Variants in FNDC3B observed in about 807,000 individuals in gnomAD.
FNDC3B encodes the protein fibronectin type III domain-containing protein 3B.
In FNDC3B, 12 loss-of-function variants were observed where a neutral mutation model predicts 151.5. That is an observed-to-expected ratio of 0.08 (90% CI 0.05 to 0.13). FNDC3B has a LOEUF of 0.13. FNDC3B is among the 10% of genes least tolerant of loss of function. FNDC3B has a pLI of 1.00. For synonymous variants in FNDC3B, 528 were observed against 549.0 expected (o/e 0.96, Z 0.54); for missense variants, 1,214 against 1,505.3 (o/e 0.81, Z 3.20).
chr3:172,337,700 G>GT (rs1733056787), intron 16 of FNDC3B: 1 of 349,354 alleles, frequency 2.9e-6, no homozygotes, highest in Non-Finnish European at 5.3e-6. Context: ...TTTTTGTTTT[G>GT]TTTTTTGAGA....
At chr3:172,387,218 A>G (rs1735763213) in intron 25 of FNDC3B, among the ~76,000 whole-genome samples, 1 of 152,240 alleles carries the variant, frequency 6.6e-6, no homozygotes, top group South Asian at 2.1e-4. Flanking sequence ...CGGCCTCCCA[A>G]AATGCTGGAT....
chr3:172,368,133 A>G (rs769379574), intron 23 of FNDC3B, among the ~76,000 whole-genome samples: 1 of 152,132 alleles, frequency 6.6e-6, no homozygotes, highest in Non-Finnish European at 1.5e-5. Context: ...TTAGCCAGGC[A>G]TGGAGGCACA....
At position 172,333,132 on chromosome 3, in the gene FNDC3B, G is replaced by A. The variant is rs1329405011; in HGVS notation, c.1598G>A (p.Cys533Tyr). The A allele has an allele frequency of 1.9e-6, 3 of 1,613,424 alleles. No individual in the cohort carries two copies. In the East Asian group the frequency reaches 6.7e-5, roughly 36 times the overall value. ...AAATACACTGGAGAGGATTTAACCT[G>A]TACTGTGAAAAATCTCAAAAGAAGC... The part of the protein sequence containing the change: ...HPKYTGEDLT[C>Y]TVKNLKRSTQ... Residue 533 changes from cysteine to tyrosine, a missense_variant, in exon 14 of 26, where the codon TGT becomes TAT. Transcript: ENST00000415807.
At chr3:172,049,458 G>A (rs1281111438) in intron 1 of FNDC3B, among the ~76,000 whole-genome samples, 2 of 152,194 alleles carry the variant, frequency 1.3e-5, no homozygotes, top group African/African-American at 2.4e-5. Context: ...ATAGCACAGC[G>A]AGTCATTTAG....
At chr3:172,205,745 G>GCTAA (rs1350278868) in intron 3 of FNDC3B, among the ~76,000 whole-genome samples, 1 of 152,214 alleles carries the variant, frequency 6.6e-6, no homozygotes, top group Non-Finnish European at 1.5e-5. Flanking sequence ...GTACTAGGAG[G>GCTAA]CTAAGATCAG....
intron 16 of FNDC3B, among the ~76,000 whole-genome samples, chr3:172,340,355 G>A (rs921374900): frequency 2.0e-5 from 3 of 148,632 alleles, no homozygotes; most frequent in Non-Finnish European, 4.4e-5. Context: ...GCGCAATCTC[G>A]GCTCACTGCA....
chr3:172,220,630 A>AT (rs931175321), intron 3 of FNDC3B, among the ~76,000 whole-genome samples: 1 of 151,678 alleles, frequency 6.6e-6, no homozygotes, highest in South Asian at 2.1e-4. Flanking sequence ...TAAGAGTTTT[A>AT]TTTTTTTTAA....
At chr3:172,285,511 A>G (rs566435597) in intron 6 of FNDC3B, among the ~76,000 whole-genome samples, 96 of 152,342 alleles carry the variant, frequency 6.3e-4, no homozygotes, top group Non-Finnish European at 1.2e-3. Context: ...AAGTAAAAAT[A>G]CAGCTCAAAG....
chr3:172,320,416 G>A (rs1185872173), intron 11 of FNDC3B, among the ~76,000 whole-genome samples: 1 of 152,024 alleles, frequency 6.6e-6, no homozygotes, highest in African/African-American at 2.4e-5. Context: ...AAGGAGGACA[G>A]TGGAAAGATA....
chr3:172,044,142 A>T (rs1716239492), intron 1 of FNDC3B, among the ~76,000 whole-genome samples: 2 of 152,232 alleles, frequency 1.3e-5, no homozygotes, highest in Non-Finnish European at 2.9e-5. Context: ...AAACAGTAAG[A>T]AAGATCTGTC....
chr3:172,140,733 G>A (rs6445040), intron 3 of FNDC3B, among the ~76,000 whole-genome samples: 102,501 of 152,100 alleles, frequency 0.67, 34,551 homozygotes, highest in East Asian at 0.77. Flanking sequence ...GCTGGGTTAC[G>A]TCAATACCAA....
chr3:172,190,005 C>T (rs534735174), intron 3 of FNDC3B, among the ~76,000 whole-genome samples: 71 of 152,148 alleles, frequency 4.7e-4, no homozygotes, highest in African/African-American at 1.5e-3. Context: ...GAAACTGATA[C>T]GTCAAGTCTT....
chr3:172,092,271 C>T (rs1299790056), intron 1 of FNDC3B, among the ~76,000 whole-genome samples: 1 of 152,164 alleles, frequency 6.6e-6, no homozygotes, highest in African/African-American at 2.4e-5. Context: ...AAACGATTGA[C>T]TTTTTGGCTA....
intron 1 of FNDC3B, among the ~76,000 whole-genome samples, chr3:172,111,269 A>G (rs542805958): frequency 3.3e-5 from 5 of 152,276 alleles, no homozygotes; most frequent in South Asian, 2.1e-4. Context: ...CAATTAAGTC[A>G]TGATAGTGTC....
intron 6 of FNDC3B, among the ~76,000 whole-genome samples, chr3:172,277,506 A>G (rs888741323): frequency 3.3e-5 from 5 of 152,114 alleles, no homozygotes; most frequent in East Asian, 1.9e-4. Flanking sequence ...ATCTCATTCT[A>G]ATTACCTTCT....
chr3:172,107,997 G>A (rs764608025), intron 1 of FNDC3B, among the ~76,000 whole-genome samples: 8 of 152,068 alleles, frequency 5.3e-5, no homozygotes, highest in Non-Finnish European at 1.2e-4. Context: ...GTGAAACCCC[G>A]TCTCTACTAA....
intron 8 of FNDC3B, among the ~76,000 whole-genome samples, chr3:172,296,378 C>T (rs1359548818): frequency 6.6e-6 from 1 of 152,202 alleles, no homozygotes; most frequent in Non-Finnish European, 1.5e-5. Flanking sequence ...GCTCCACAGA[C>T]AGTCTTCCTG....
At chr3:172,091,244 G>A (rs1718811658) in intron 1 of FNDC3B, among the ~76,000 whole-genome samples, 1 of 152,180 alleles carries the variant, frequency 6.6e-6, no homozygotes, top group South Asian at 2.1e-4. Context: ...AAGTACAGAG[G>A]ATTTCCACCT....
intron 2 of FNDC3B, among the ~76,000 whole-genome samples, chr3:172,125,388 G>A (rs1465088535): frequency 6.6e-6 from 1 of 152,110 alleles, no homozygotes; most frequent in East Asian, 1.9e-4. Context: ...TCTTGAGATT[G>A]GCAGTAGGAG....
Sources: gnomAD v4.1 joint callset for allele counts (sites outside exome capture counted in the v4.1 genomes callset) on GRCh38, gnomAD v4.1.1 for gene constraint, MANE v1.5 for transcripts, NCBI Gene and HGNC (gene_info 2026-07-23, HGNC 2026-07-21) for gene names.